The following SMYD3 variants were observed in gnomAD, a reference collection of about 807,000 sequenced individuals.
The protein encoded by SMYD3 is SET and MYND domain containing 3.
SMYD3 carries 36 observed loss-of-function variants against 57.7 expected under a neutral mutation model. That is an observed-to-expected ratio of 0.62 (90% confidence interval 0.48 to 0.82). SMYD3 has a LOEUF of 0.82. Ranked by LOEUF, SMYD3 falls within the 40% of genes least tolerant of loss-of-function variation. SMYD3 has a pLI of 0.00. For missense variants in SMYD3, 515 were observed against 538.8 expected (o/e 0.96, Z 0.44); for synonymous variants, 211 against 195.0 (o/e 1.08, Z -0.68).
At chr1:246,073,307 T>C (rs1304777413) in intron 5 of SMYD3, among the ~76,000 whole-genome samples, 1 of 152,252 alleles carries the variant, frequency 6.6e-6, no homozygotes, top group Non-Finnish European at 1.5e-5. Flanking sequence ...TATATGTCTC[T>C]AAAGTCTTCT....
chr1:245,965,895 T>C (rs891783965), intron 5 of SMYD3, among the ~76,000 whole-genome samples: 2 of 152,102 alleles, frequency 1.3e-5, no homozygotes, highest in African/African-American at 2.4e-5. Flanking sequence ...TGGGAGATAA[T>C]GTGTCAATGT....
At chr1:246,245,409 C>CAAGA (rs140089975) in intron 5 of SMYD3, among the ~76,000 whole-genome samples, 8,944 of 152,076 alleles carry the variant, frequency 0.059, 426 homozygotes, top group African/African-American at 0.12. Context: ...TGCCACTGTA[C>CAAGA]TCTAGCCTGG....
intron 10 of SMYD3, among the ~76,000 whole-genome samples, chr1:245,796,371 G>C (rs1385017177): frequency 6.6e-6 from 1 of 151,964 alleles, no homozygotes; most frequent in Non-Finnish European, 1.5e-5. Context: ...AATGGAGACT[G>C]ATTTCTTGTA....
chr1:246,253,989 T>C (rs868859369), intron 5 of SMYD3, among the ~76,000 whole-genome samples: 6 of 152,322 alleles, frequency 3.9e-5, no homozygotes, highest in South Asian at 2.1e-4. Flanking sequence ...CTTTTCTCTT[T>C]TTCTCTGCTG....
At chr1:245,854,103 C>T (rs1250743612) in intron 10 of SMYD3, among the ~76,000 whole-genome samples, 1 of 152,268 alleles carries the variant, frequency 6.6e-6, no homozygotes, top group Middle Eastern at 3.4e-3. Flanking sequence ...TTAATATCAA[C>T]AAATCTTACC....
chr1:246,159,562 G>GA (rs113210021), intron 5 of SMYD3, among the ~76,000 whole-genome samples: 192 of 143,802 alleles, frequency 1.3e-3, no homozygotes, highest in South Asian at 1.7e-3. Flanking sequence ...TTGTAGCCCC[G>GA]AAAAAAAAAA....
chr1:246,220,400 T>C (rs1160798317), intron 5 of SMYD3, among the ~76,000 whole-genome samples: 1 of 147,408 alleles, frequency 6.8e-6, no homozygotes, highest in East Asian at 2.1e-4. Flanking sequence ...CTGGGACTCC[T>C]GCTCCACGAA....
intron 5 of SMYD3, among the ~76,000 whole-genome samples, chr1:246,135,336 T>C (rs2061651059): frequency 6.6e-6 from 1 of 152,176 alleles, no homozygotes; most frequent in African/African-American, 2.4e-5. Context: ...ATTAATATTG[T>C]ATGACCTAAT....
intron 5 of SMYD3, among the ~76,000 whole-genome samples, chr1:246,137,900 TA>T (rs1425588078): frequency 6.6e-6 from 1 of 151,888 alleles, no homozygotes; most frequent in African/African-American, 2.4e-5. Flanking sequence ...AGCACACATT[TA>T]AAAAAAAAGG....
intron 5 of SMYD3, among the ~76,000 whole-genome samples, chr1:246,048,208 C>T (rs2060003902): frequency 6.6e-6 from 1 of 152,196 alleles, no homozygotes; most frequent in Admixed American, 6.5e-5. Flanking sequence ...TTAGTTAACA[C>T]TATTTACCCA....
At chr1:245,866,065 G>C (rs922136696) in intron 8 of SMYD3, among the ~76,000 whole-genome samples, 27 of 152,158 alleles carry the variant, frequency 1.8e-4, no homozygotes, top group Admixed American at 1.6e-3. Context: ...TCATGTGCCC[G>C]TTGAAGGAGG....
intron 8 of SMYD3, among the ~76,000 whole-genome samples, chr1:245,873,393 C>G (rs1343888901): frequency 6.6e-6 from 1 of 152,184 alleles, no homozygotes; most frequent in Non-Finnish European, 1.5e-5. Flanking sequence ...AACTCCTACC[C>G]AAGTCCTGCC....
intron 5 of SMYD3, among the ~76,000 whole-genome samples, chr1:246,297,571 G>C (rs766030534): frequency 1.6e-4 from 24 of 152,072 alleles, no homozygotes; most frequent in Non-Finnish European, 2.8e-4. Flanking sequence ...AAGGACAAGA[G>C]CATTTGTTCA....
At chr1:246,250,489 G>A (rs938414014) in intron 5 of SMYD3, among the ~76,000 whole-genome samples, 3 of 152,132 alleles carry the variant, frequency 2.0e-5, no homozygotes, top group Non-Finnish European at 2.9e-5. Flanking sequence ...AAGTCAGTAA[G>A]AAATCATTAT....
At chr1:246,122,229 G>T (rs2061435459) in intron 5 of SMYD3, among the ~76,000 whole-genome samples, 1 of 151,166 alleles carries the variant, frequency 6.6e-6, no homozygotes. Context: ...GAGCAACATG[G>T]CAAGATCCCA....
chr1:246,464,245 G>A (rs2067850828), intron 1 of SMYD3, among the ~76,000 whole-genome samples: 2 of 152,308 alleles, frequency 1.3e-5, no homozygotes, highest in South Asian at 4.2e-4. Context: ...GCCTGGTGCA[G>A]TGGCTCACTC....
At chr1:245,767,338 G>A (rs375620956) in intron 10 of SMYD3, among the ~76,000 whole-genome samples, 2 of 152,150 alleles carry the variant, frequency 1.3e-5, no homozygotes, top group African/African-American at 4.8e-5. Flanking sequence ...ACTGGATTCC[G>A]GGTCCGGCCC....
chr1:246,020,262 C>G (rs549807805), intron 5 of SMYD3, among the ~76,000 whole-genome samples: 1 of 152,182 alleles, frequency 6.6e-6, no homozygotes, highest in Admixed American at 6.5e-5. Context: ...AGCACAATAC[C>G]TTTTAAAAAG....
At chr1:246,129,167 C>T (rs991641134) in intron 5 of SMYD3, among the ~76,000 whole-genome samples, 1 of 151,876 alleles carries the variant, frequency 6.6e-6, no homozygotes, top group Admixed American at 6.6e-5. Flanking sequence ...AGGCAGGGGA[C>T]AGATGGGGAA....
Sources: allele counts gnomAD v4.1 joint callset (sites outside exome capture counted in the v4.1 genomes callset), GRCh38; gene constraint gnomAD v4.1.1; transcripts MANE v1.5; gene names NCBI Gene and HGNC (gene_info 2026-07-23, HGNC 2026-07-21).